The following SLC36A2 variants were observed in gnomAD, a reference collection of about 807,000 sequenced individuals.
SLC36A2 encodes the protein solute carrier family 36 member 2.
SLC36A2 carries 39 observed loss-of-function variants against 42.7 expected under a neutral mutation model. That is an observed-to-expected ratio of 0.91 (90% CI 0.71 to 1.19). The LOEUF is 1.19. Ranked by LOEUF, SLC36A2 falls within the 50% of genes most tolerant of loss-of-function variation. The pLI is 0.00. For synonymous variants in SLC36A2, 237 were observed against 240.8 expected, an observed-to-expected ratio of 0.98 and a Z score of 0.15; for missense variants, 590 against 613.7, an observed-to-expected ratio of 0.96 and a Z score of 0.41.
chr5:151,343,423 A>G, intron 3 of SLC36A2, 87 bp downstream of exon 3: 1 of 1,363,396 alleles, frequency 7.3e-7, no homozygotes, highest in Non-Finnish European at 1.1e-6. Context: ...ACTAAGAAGT[A>G]AATTTCTATT....
At chr5:151,322,608 A>G (rs1755726276) in intron 8 of SLC36A2, among the ~76,000 whole-genome samples, 1 of 152,168 alleles carries the variant, frequency 6.6e-6, no homozygotes, top group Non-Finnish European at 1.5e-5. Context: ...CCCTGGATCT[A>G]AAAGACTCTA....
chr5:151,318,236 C>A (rs1395102630), intron 9 of SLC36A2, among the ~76,000 whole-genome samples: 2 of 151,786 alleles, frequency 1.3e-5, no homozygotes, highest in Admixed American at 6.6e-5. Context: ...CCTTACATAT[C>A]CAACAAAACT....
rs773116130 is a variant in SLC36A2, at chr5:151,339,075, A to G, written c.510T>C (p.Ala170=). Residue 170 remains alanine, a synonymous_variant, in exon 5 of 10, where the codon GCT becomes GCC. Transcript: ENST00000335244. ...AAGCCTCTACCTGTTTTAAATTATCAGCCAAAAACACAATGTACACACAGC... is the reference window on the plus strand; with the variant it reads ...AAGCCTCTACCTGTTTTAAATTATCGGCCAAAAACACAATGTACACACAGC... ...GFCCVYIVFL[A]DNLKQVVEAV... The G allele has an allele frequency of 1.9e-6, 3 of 1,610,102 alleles. No homozygotes were observed. The Admixed American group carries it at 5.0e-5, about 27-fold the overall frequency.
chr5:151,331,909 C>G (rs577427626), intron 7 of SLC36A2, among the ~76,000 whole-genome samples: 3 of 152,208 alleles, frequency 2.0e-5, no homozygotes, highest in African/African-American at 7.2e-5. Context: ...CTCTGTCACC[C>G]AGGCTGGAGT....
rs1447080353 is a variant in SLC36A2, at chr5:151,325,438, T to TA, written c.857_858insT (p.Glu286AspfsTer39). Reference sequence around the variant, plus strand: ...AGTGGCGGGCATTCTTCATCTTGTTTTCCAGAGGCAGAACCTACAGAAACA... The same window carrying TA: ...AGTGGCGGGCATTCTTCATCTTGTTTATCCAGAGGCAGAACCTACAGAAACA... On this transcript the variant is annotated frameshift_variant, in exon 8 of 10. Coordinates refer to ENST00000335244, the MANE Select transcript of SLC36A2 (RefSeq NM_181776.3). LOFTEE classifies it high-confidence loss of function. 7 of 1,614,120 alleles carry TA rather than the reference T, an allele frequency of 4.3e-6. No individual in the cohort carries two copies. The highest frequency in any genetic ancestry group is 5.1e-6 in the Non-Finnish European group (6 of 1,180,036).
At chr5:151,331,994 G>A (rs1410303041) in intron 7 of SLC36A2, among the ~76,000 whole-genome samples, 1 of 152,084 alleles carries the variant, frequency 6.6e-6, no homozygotes, top group African/African-American at 2.4e-5. Flanking sequence ...AGCCTTCTGA[G>A]TATCTGGGAT....
At chr5:151,334,069 A>G (rs1032089147) in intron 6 of SLC36A2, among the ~76,000 whole-genome samples, 2 of 152,162 alleles carry the variant, frequency 1.3e-5, no homozygotes, top group Non-Finnish European at 2.9e-5. Context: ...TGTAGAATAA[A>G]TATTCTATAT....
chr5:151,344,047 G>A lies in SLC36A2; in HGVS notation c.255+130C>T. 7 of 841,998 alleles carry A rather than the reference G, an allele frequency of 8.3e-6. No individual in the cohort carries two copies. The South Asian group carries it at 1.0e-4, about 12-fold the overall frequency. 52.2% of individuals were successfully genotyped at this position (841,998 alleles called of 1,614,324 possible). On this transcript the variant is annotated intron_variant, in intron 2 of 9. Coordinates refer to ENST00000335244, the MANE Select transcript of SLC36A2 (RefSeq NM_181776.3). Reference sequence around the variant, plus strand: ...AACTCAAACCCAGGCTAGATGTCTAGACCCTAACCCCGCACCAAGCTGTGT... The same window carrying A: ...AACTCAAACCCAGGCTAGATGTCTAAACCCTAACCCCGCACCAAGCTGTGT...
chr5:151,329,683 G>A (rs751758290), intron 7 of SLC36A2, among the ~76,000 whole-genome samples: 17 of 152,082 alleles, frequency 1.1e-4, no homozygotes, highest in Middle Eastern at 3.2e-3. Context: ...GCTTGATAGC[G>A]GAATGTAGAT....
intron 9 of SLC36A2, among the ~76,000 whole-genome samples, chr5:151,317,518 A>G (rs1755537574): frequency 1.3e-5 from 2 of 152,094 alleles, no homozygotes; most frequent in African/African-American, 4.8e-5. Context: ...ATTCAATTAC[A>G]GAAAGAAAAG....
Position 151,333,222 on chromosome 5 carries a change from ACCACACCAATG to A in SLC36A2, c.834_843+1del, listed in dbSNP as rs1756045646. Reference sequence around the variant, plus strand: ...ATAAGGCCACCTCAATTCAAACCTTACCACACCAATGCTTTCAAAAGAAAAAATGGCTGTTC... The same window carrying A: ...ATAAGGCCACCTCAATTCAAACCTTACTTTCAAAAGAAAAAATGGCTGTTC... On this transcript the variant is annotated splice_donor_variant and coding_sequence_variant, in exon 7 of 10. Transcript: ENST00000335244. LOFTEE classifies it high-confidence loss of function. 13 of 1,613,302 alleles carry A rather than the reference ACCACACCAATG, an allele frequency of 8.1e-6. No individual in the cohort carries two copies. The highest frequency in any genetic ancestry group is 1.0e-5 in the Non-Finnish European group (12 of 1,179,416).
At chr5:151,345,377 G>A (rs1756463264) in intron 1 of SLC36A2, among the ~76,000 whole-genome samples, 1 of 152,180 alleles carries the variant, frequency 6.6e-6, no homozygotes, top group African/African-American at 2.4e-5. Context: ...CTTGGGCAAC[G>A]TGTTCAACTT....
Position 151,335,511 on chromosome 5 carries a change from A to G in SLC36A2, c.562T>C (p.Tyr188His), listed in dbSNP as rs760836717. Residue 188 changes from tyrosine to histidine, a missense_variant, in exon 6 of 10, where the codon TAT (tyrosine) becomes CAT (histidine). Physicochemically the swap from Tyr to His is moderately conservative, Grantham distance 83. Transcript: ENST00000335244. ...GTCAGAATCACCGTCTCATTGGAAT[A>G]GCAGTTGTTGGTTGTGCTATTAACA... ...EAVNSTTNNCYSNETVILTPT... is the reference protein window; with the variant it reads ...EAVNSTTNNCHSNETVILTPT... 21 of 1,614,024 alleles carry G rather than the reference A, an allele frequency of 1.3e-5. No individual in the cohort carries two copies. The highest frequency in any genetic ancestry group is 2.2e-5 in the South Asian group (2 of 91,082).
rs1436692464 is a variant in SLC36A2 at position 151,339,132 on chromosome 5, G to A, written c.453C>T (p.Ser151=). ...NHAHWGRHIV[S]FFLIITQLGF... ...CAAGTTGGGTGATAATAAGGAAGAA[G>A]CTCACGATATGCCTAGAAGGGAGAA... The change falls in exon 5 of 10, where the codon AGC becomes AGT. Residue 151 remains serine (S), a synonymous_variant. Transcript: ENST00000335244. The A allele has an allele frequency of 6.2e-7, 1 of 1,607,810 alleles. No individual in the cohort carries two copies. Among genetic ancestry groups the A allele is most frequent in the East Asian group, 2.2e-5 (1 of 44,614 alleles).
intron 9 of SLC36A2, among the ~76,000 whole-genome samples, chr5:151,321,142 G>GATTGATTT (rs1285367864): frequency 8.7e-5 from 13 of 149,838 alleles, no homozygotes; most frequent in African/African-American, 2.9e-4. Context: ...CAGTTCTTAT[G>GATTGATTT]ATTTATTTAT....
At chr5:151,344,066 G>T in intron 2 of SLC36A2, 111 bp downstream of exon 2, 2 of 975,588 alleles carry the variant, frequency 2.1e-6, no homozygotes, top group Non-Finnish European at 3.2e-6. Context: ...CCCGCACCAA[G>T]CTGTGTCCCA....
intron 7 of SLC36A2, among the ~76,000 whole-genome samples, chr5:151,326,249 T>G (rs2127289103): frequency 6.6e-6 from 1 of 152,330 alleles, no homozygotes; most frequent in Admixed American, 6.5e-5. Context: ...AGCACAGTCT[T>G]TCGACAATTG....
At chr5:151,325,510 G>A in intron 7 of SLC36A2, 58 bp from the exon 8 acceptor site, 1 of 1,567,050 alleles carries the variant, frequency 6.4e-7, no homozygotes, top group Non-Finnish European at 8.7e-7. Flanking sequence ...AAAGAAAAAT[G>A]GCATTCCACT....
At chr5:151,336,644 A>G (rs1165040404) in intron 5 of SLC36A2, among the ~76,000 whole-genome samples, 3 of 151,958 alleles carry the variant, frequency 2.0e-5, no homozygotes, top group African/African-American at 7.3e-5. Flanking sequence ...CCACCCACTG[A>G]AAGCCATGAG....
Sources: gnomAD v4.1 joint callset for allele counts (sites outside exome capture counted in the v4.1 genomes callset) on GRCh38, gnomAD v4.1.1 for gene constraint, MANE v1.5 for transcripts, NCBI Gene and HGNC (gene_info 2026-07-23, HGNC 2026-07-21) for gene names.